VXN: variants seen among roughly 807,000 people sequenced by gnomAD.
VXN encodes the protein vexin, also known as uncharacterized protein C8orf46.
In VXN, 7 loss-of-function variants were observed where a neutral mutation model predicts 23.1. That is an observed-to-expected ratio of 0.30 (90% CI 0.17 to 0.57). VXN has a LOEUF of 0.57. VXN is among the 20% of genes least tolerant of loss of function. The pLI, the probability that VXN is intolerant of heterozygous loss-of-function variation, is 0.91. For synonymous variants in VXN, 120 were observed against 105.8 expected (o/e 1.13, Z -0.83); for missense variants, 238 against 272.6 (o/e 0.87, Z 0.89).
At chr8:66,511,606 G>C (rs1002448632) in intron 4 of VXN, among the ~76,000 whole-genome samples, 3 of 152,214 alleles carry the variant, frequency 2.0e-5, no homozygotes, top group African/African-American at 7.2e-5. Context: ...AAAAAGCAAG[G>C]TCAAGAGGAG....
chr8:66,509,165 T>C (rs1251664120), intron 3 of VXN, among the ~76,000 whole-genome samples: 1 of 152,226 alleles, frequency 6.6e-6, no homozygotes, highest in African/African-American at 2.4e-5. Context: ...TAATACTTTA[T>C]TTTATTTGCA....
intron 3 of VXN, among the ~76,000 whole-genome samples, chr8:66,506,232 A>AGTGTGTGTGTGTGTGTGTGTGTGTGT (rs61613088): frequency 6.4e-5 from 9 of 140,338 alleles, no homozygotes; most frequent in African/African-American, 2.4e-4. Context: ...AGAGAGAGAC[A>AGTGTGTGTGTGTGTGTGTGTGTGTGT]GTGTGTGTGT....
intron 2 of VXN, among the ~76,000 whole-genome samples, chr8:66,504,177 T>C (rs1022555786): frequency 6.6e-6 from 1 of 152,100 alleles, no homozygotes; most frequent in African/African-American, 2.4e-5. Context: ...GAGGTGGTGG[T>C]TCTTGTTCCT....
chr8:66,508,357 G>C (rs1807783259), intron 3 of VXN, among the ~76,000 whole-genome samples: 1 of 152,078 alleles, frequency 6.6e-6, no homozygotes, highest in African/African-American at 2.4e-5. Context: ...CCTCCCACCA[G>C]GCTACCAGAG....
At chr8:66,495,441 A>G (rs886494614) in intron 1 of VXN, among the ~76,000 whole-genome samples, 3 of 152,228 alleles carry the variant, frequency 2.0e-5, no homozygotes, top group East Asian at 1.9e-4. Flanking sequence ...GAAACAACTT[A>G]TCTTCCAGGA....
At chr8:66,509,788 A>G (rs770971631) in intron 3 of VXN, among the ~76,000 whole-genome samples, 1 of 152,122 alleles carries the variant, frequency 6.6e-6, no homozygotes, top group Non-Finnish European at 1.5e-5. Flanking sequence ...GGTTTCCCAT[A>G]TACCTCCTGC....
At chr8:66,494,013 C>CAG (rs1184856938) in intron 1 of VXN, among the ~76,000 whole-genome samples, 3 of 152,098 alleles carry the variant, frequency 2.0e-5, no homozygotes, top group Non-Finnish European at 4.4e-5. Flanking sequence ...CATTGCTATG[C>CAG]ACACAGGTGA....
intron 4 of VXN, chr8:66,510,401 A>G: frequency 2.1e-6 from 1 of 470,510 alleles, no homozygotes; most frequent in South Asian, 2.8e-5. Flanking sequence ...GGCAAACAAA[A>G]GAAGCTATTA....
chr8:66,494,450 C>T (rs1354580671), intron 1 of VXN: 1 of 152,750 alleles, frequency 6.5e-6, no homozygotes, highest in East Asian at 1.9e-4. Flanking sequence ...CTGTCTTGCC[C>T]CCTCCCATCC....
intron 2 of VXN, chr8:66,498,685 T>C (rs932902896): frequency 1.5e-5 from 5 of 343,294 alleles, no homozygotes; most frequent in African/African-American, 8.5e-5. Flanking sequence ...GTCCACAGAA[T>C]GGAGACCCTG....
At chr8:66,495,764 C>A (rs1807618602) in intron 1 of VXN, among the ~76,000 whole-genome samples, 1 of 152,094 alleles carries the variant, frequency 6.6e-6, no homozygotes, top group South Asian at 2.1e-4. Flanking sequence ...ATATGCATAA[C>A]AAAATGTACC....
At chr8:66,510,584 C>T (rs1325137502) in intron 4 of VXN, among the ~76,000 whole-genome samples, 1 of 152,186 alleles carries the variant, frequency 6.6e-6, no homozygotes, top group Admixed American at 6.5e-5. Context: ...TTAGTTAGCA[C>T]AGGCTGCTGT....
intron 2 of VXN, among the ~76,000 whole-genome samples, chr8:66,499,405 G>A (rs1053449749): frequency 2.0e-5 from 3 of 150,128 alleles, no homozygotes; most frequent in Non-Finnish European, 4.4e-5. Flanking sequence ...GCTAATTTTT[G>A]TACTTTTAGT....
At chr8:66,513,434 G>A (rs536418890) in intron 4 of VXN, 106 bp from the exon 5 acceptor site, 1 of 915,284 alleles carries the variant, frequency 1.1e-6, no homozygotes, top group South Asian at 1.3e-5. Flanking sequence ...ACTATGCCCA[G>A]GCGGTGGTGG....
At chr8:66,514,394 G>T (rs1455424687) in intron 5 of VXN, 1 of 152,186 alleles carries the variant, frequency 6.6e-6, no homozygotes, top group East Asian at 1.9e-4. Context: ...ATCACAGGGG[G>T]TACCCATCTT....
chr8:66,511,974 G>A (rs1807828946), intron 4 of VXN, among the ~76,000 whole-genome samples: 1 of 150,654 alleles, frequency 6.6e-6, no homozygotes, highest in South Asian at 2.1e-4. Context: ...GCTGAGGCAA[G>A]AGAATCACTT....
intron 3 of VXN, among the ~76,000 whole-genome samples, chr8:66,509,833 T>A (rs1211402544): frequency 6.6e-6 from 1 of 151,210 alleles, no homozygotes; most frequent in Non-Finnish European, 1.5e-5. Context: ...CCCATCAACA[T>A]CCCCCACCAG....
intron 2 of VXN, among the ~76,000 whole-genome samples, chr8:66,501,726 C>T (rs1807694631): frequency 6.6e-6 from 1 of 152,166 alleles, no homozygotes. Context: ...CCCAGCCACA[C>T]AGACCATTCA....
chr8:66,507,686 C>T (rs567347020), intron 3 of VXN, among the ~76,000 whole-genome samples: 8 of 151,546 alleles, frequency 5.3e-5, no homozygotes, highest in Non-Finnish European at 1.2e-4. Flanking sequence ...TCAGCTCATG[C>T]AGGAAATATG....
Sources: allele counts gnomAD v4.1 joint callset (sites outside exome capture counted in the v4.1 genomes callset), GRCh38; gene constraint gnomAD v4.1.1; transcripts MANE v1.5; gene names NCBI Gene and HGNC (gene_info 2026-07-23, HGNC 2026-07-21).